The following CDK13 variants were observed in gnomAD, a reference collection of about 807,000 sequenced individuals.
CDK13 encodes cyclin-dependent kinase 13.
A neutral mutation model predicts 137.6 loss-of-function variants in CDK13; 40 were observed. The observed-to-expected ratio is 0.29, with a 90% CI of 0.23 to 0.38. The LOEUF (loss-of-function observed/expected upper bound fraction) is 0.38. Ranked by LOEUF, CDK13 falls within the 10% of genes least tolerant of loss-of-function variation. CDK13 has a pLI of 1.00. For synonymous variants in CDK13, 869 were observed against 760.1 expected (o/e 1.14, Z -2.36); for missense variants, 1,704 against 1,951.8 (o/e 0.87, Z 2.39).
chr7:40,027,951 GCT>G (rs536806460), intron 5 of CDK13, among the ~76,000 whole-genome samples: 117 of 151,772 alleles, frequency 7.7e-4, no homozygotes, highest in Non-Finnish European at 1.6e-3. Flanking sequence ...GATTTTGATA[GCT>G]CTGTTTTTTC....
At chr7:40,090,191 C>G (rs1318323154) in intron 12 of CDK13, among the ~76,000 whole-genome samples, 20 of 152,128 alleles carry the variant, frequency 1.3e-4, no homozygotes, top group Non-Finnish European at 1.5e-5. Flanking sequence ...TATTTCTGGT[C>G]CTCTTCATGG....
At chr7:40,051,011 T>C (rs1785875318) in intron 7 of CDK13, among the ~76,000 whole-genome samples, 1 of 152,208 alleles carries the variant, frequency 6.6e-6, no homozygotes, top group Non-Finnish European at 1.5e-5. Context: ...TAAAATATAA[T>C]TTGGGTTCCA....
chr7:40,067,431 C>T (rs753651092), intron 9 of CDK13: 1 of 152,378 alleles, frequency 6.6e-6, no homozygotes. Context: ...GCAATCCCAG[C>T]TCCTTGGGAG....
intron 5 of CDK13, among the ~76,000 whole-genome samples, chr7:40,026,147 A>G (rs1785237415): frequency 1.3e-5 from 2 of 152,210 alleles, no homozygotes; most frequent in Non-Finnish European, 2.9e-5. Context: ...GGTTATGGCC[A>G]CTATATCTTT....
chr7:40,050,139 C>T lies in CDK13; in HGVS notation c.2600+2262C>T, dbSNP rs187239114. On this transcript the variant is annotated intron_variant, in intron 7 of 13. Transcript: ENST00000181839. The stretch of plus-strand genomic sequence containing the variant: ...GATTACAGGCCACATTTTCTTTATC[C>T]GTCCATCTCTTAGTGGACGCTTAAC... 2.1e-3 allele frequency among the ~76,000 whole-genome samples: 327 copies of T among 152,106 alleles called. 1 individual carries two copies. Among genetic ancestry groups the T allele is most frequent in the African/African-American group, 6.1e-3 (255 of 41,494 alleles).
chr7:40,073,598 T>C (rs969302803), intron 9 of CDK13: 18 of 151,322 alleles, frequency 1.2e-4, no homozygotes, highest in African/African-American at 1.9e-4. Context: ...TTCTTTCTTT[T>C]TTTTTTTTAT....
At chr7:40,060,410 C>T (rs1391796414) in intron 7 of CDK13, among the ~76,000 whole-genome samples, 2 of 152,116 alleles carry the variant, frequency 1.3e-5, no homozygotes, top group Non-Finnish European at 2.9e-5. Context: ...GTTTGATATA[C>T]TCATAGATCC....
At chr7:40,031,067 G>A (rs1309335478) in intron 5 of CDK13, among the ~76,000 whole-genome samples, 3 of 152,194 alleles carry the variant, frequency 2.0e-5, no homozygotes, top group Non-Finnish European at 4.4e-5. Context: ...TTAAGAAACT[G>A]CCAAACTGTC....
At chr7:39,999,785 T>G (rs906131275) in intron 4 of CDK13, among the ~76,000 whole-genome samples, 1 of 152,354 alleles carries the variant, frequency 6.6e-6, no homozygotes, top group Non-Finnish European at 1.5e-5. Context: ...ATAATTCTTA[T>G]ACTGTTATTA....
intron 1 of CDK13, among the ~76,000 whole-genome samples, chr7:39,963,837 T>G (rs902380132): frequency 6.6e-6 from 1 of 152,220 alleles, no homozygotes; most frequent in Non-Finnish European, 1.5e-5. Flanking sequence ...GAAGCATTGT[T>G]GAATTTTGTC....
chr7:39,992,164 GTGTGTGT>G (rs1417926490), intron 2 of CDK13, among the ~76,000 whole-genome samples: 1 of 4,410 alleles, frequency 2.3e-4, no homozygotes, highest in Non-Finnish European at 1.4e-3. Context: ...ACTAATGAGG[GTGTGTGT>G]GTGTGTGTGT....
intron 1 of CDK13, among the ~76,000 whole-genome samples, chr7:39,970,240 A>G (rs867958668): frequency 4.6e-5 from 7 of 151,776 alleles, no homozygotes; most frequent in Admixed American, 1.3e-4. Context: ...CCTGACCTCA[A>G]CCTGCTTCTG....
intron 5 of CDK13, among the ~76,000 whole-genome samples, chr7:40,035,408 G>A (rs1055780371): frequency 6.6e-6 from 1 of 152,076 alleles, no homozygotes; most frequent in African/African-American, 2.4e-5. Context: ...AGGTGAGCGA[G>A]TGAAGCTTCA....
chr7:40,026,984 A>G (rs1785256305), intron 5 of CDK13, among the ~76,000 whole-genome samples: 1 of 150,944 alleles, frequency 6.6e-6, no homozygotes, highest in Admixed American at 6.5e-5. Flanking sequence ...CTAACCGTGT[A>G]TGTAAATTTT....
rs1265980245 is a variant in CDK13, at chr7:39,999,520, GGGATCTTTGGGCCTAC to G, written c.2182+24_2182+39del. ...ACACTGGTAAGAATGCCAAGTTCTG[GGGATCTTTGGGCCTAC>G]GGAATGTACTTAGTTTGTGTTTCTC... On this transcript the variant is annotated intron_variant, in intron 4 of 13. Transcript: ENST00000181839. 6.3e-7 allele frequency: 1 copy of G among 1,579,808 alleles called. No individual in the cohort carries two copies. Among genetic ancestry groups the G allele is most frequent in the Non-Finnish European group, 8.6e-7 (1 of 1,161,968 alleles).
At chr7:40,029,692 G>A (rs183645335) in intron 5 of CDK13, among the ~76,000 whole-genome samples, 2 of 150,898 alleles carry the variant, frequency 1.3e-5, no homozygotes, top group Non-Finnish European at 3.0e-5. Context: ...TCGCTCTGTT[G>A]CCCAGGCTGG....
At chr7:39,996,918 C>T (rs1443606198) in intron 2 of CDK13, among the ~76,000 whole-genome samples, 2 of 128,752 alleles carry the variant, frequency 1.6e-5, no homozygotes, top group Non-Finnish European at 3.1e-5. Flanking sequence ...GAGCCAGGAT[C>T]TTGCCACTGC....
At chr7:39,967,886 T>C (rs997688410) in intron 1 of CDK13, among the ~76,000 whole-genome samples, 4 of 150,658 alleles carry the variant, frequency 2.7e-5, no homozygotes, top group African/African-American at 7.3e-5. Context: ...CATTTGTATG[T>C]CCTTTTTAAA....
intron 5 of CDK13, among the ~76,000 whole-genome samples, chr7:40,023,936 C>T (rs1226986933): frequency 6.6e-6 from 1 of 152,300 alleles, no homozygotes; most frequent in South Asian, 2.1e-4. Flanking sequence ...GTCTTCCATT[C>T]TGCAAAGCAA....
Sources: gnomAD v4.1 joint callset for allele counts (sites outside exome capture counted in the v4.1 genomes callset) on GRCh38, gnomAD v4.1.1 for gene constraint, MANE v1.5 for transcripts, NCBI Gene and HGNC (gene_info 2026-07-23, HGNC 2026-07-21) for gene names.